CERCAM: variants seen among roughly 807,000 people sequenced by gnomAD.
CERCAM encodes the protein cerebral endothelial cell adhesion molecule, also known as inactive glycosyltransferase 25 family member 3.
In CERCAM, 59 loss-of-function variants were observed where a neutral mutation model predicts 66.0. That is an observed-to-expected ratio of 0.89 (90% CI 0.73 to 1.11). The LOEUF (loss-of-function observed/expected upper bound fraction) is 1.11, where lower values mean the gene tolerates loss of function less well. CERCAM is among the 50% of genes most tolerant of loss of function. The probability of loss-of-function intolerance (pLI) is 0.00; values close to 1 mark genes in which losing one functional copy is unlikely to be tolerated. For synonymous variants in CERCAM, 318 were observed against 343.6 expected (o/e 0.93, Z 0.83); for missense variants, 840 against 828.3 (o/e 1.01, Z -0.17).
At chr9:128,427,057 G>T (rs1053724152) in intron 5 of CERCAM, among the ~76,000 whole-genome samples, 2 of 152,132 alleles carry the variant, frequency 1.3e-5, no homozygotes, top group Non-Finnish European at 2.9e-5. Flanking sequence ...ACTACATCCC[G>T]GCTCTGGGCC....
In CERCAM at chr9:128,434,931, C is replaced by T. The variant is rs902561674; in HGVS notation, c.1535+318C>T. Among the ~76,000 whole-genome samples the T allele has an allele frequency of 7.2e-5, 11 of 152,162 alleles. No individual in the cohort carries two copies. Among genetic ancestry groups the T allele is most frequent in the Admixed American group, 7.2e-4 (11 of 15,272 alleles). ...GGTTCAAGCAATTCTGCTGCCTCAGCCTCCTGAGTAGCTGGGATTACAGGG... is the reference window on the plus strand; with the variant it reads ...GGTTCAAGCAATTCTGCTGCCTCAGTCTCCTGAGTAGCTGGGATTACAGGG... On this transcript the variant is annotated intron_variant, in intron 11 of 12. Coordinates refer to ENST00000372838, the MANE Select transcript of CERCAM (RefSeq NM_016174.5). This position sits in a 1 kb window ranked among gnomAD's most constrained non-coding sequence, Gnocchi z 4.5.
In CERCAM at chr9:128,435,886, A is replaced by C. The variant is rs778152748; in HGVS notation, c.1769A>C (p.Gln590Pro). ...AGCAGCGGGCACAGCCTCCAACCCC[A>C]GCCCCGAGATGAGCTCTAGGTGAGG... ...TGSSGHSLQP[Q>P]PRDEL The change falls in exon 12 of 13, where the codon CAG (glutamine) becomes CCG (proline). Residue 590 changes from glutamine to proline, a missense_variant. Transcript: ENST00000372838. The C allele has an allele frequency of 1.2e-6, 2 of 1,605,772 alleles. No individual in the cohort carries two copies. Among genetic ancestry groups the C allele is most frequent in the South Asian group, 2.2e-5 (2 of 90,414 alleles).
intron 6 of CERCAM, 150 bp from the exon 7 acceptor site, chr9:128,428,606 TG>T: frequency 9.5e-7 from 1 of 1,055,992 alleles, no homozygotes; most frequent in Non-Finnish European, 1.4e-6. Flanking sequence ...ATCCCTACAA[TG>T]GGGGCAGGTG....
In CERCAM at chr9:128,422,994, G is replaced by A. The variant is rs1833745938; in HGVS notation, c.308+16G>A. ...GCGAGCCCAGGTGGTGATCTGAGGGGAAGGGTGCTGGGGAAGATGGAGAAC... is the reference window on the plus strand; with the variant it reads ...GCGAGCCCAGGTGGTGATCTGAGGGAAAGGGTGCTGGGGAAGATGGAGAAC... On this transcript the variant is annotated intron_variant, in intron 2 of 12. Transcript: ENST00000372838. The A allele has an allele frequency of 1.2e-6, 2 of 1,613,460 alleles. No homozygotes were observed. The highest frequency in any genetic ancestry group is 1.7e-6 in the Non-Finnish European group (2 of 1,180,000).
Position 128,420,903 on chromosome 9 carries a change from T to TC in CERCAM, c.26_27insC (p.Leu10AlafsTer81). The TC allele has an allele frequency of 7.4e-7, 1 of 1,352,094 alleles. No homozygotes were observed. 83.8% of individuals were successfully genotyped at this position (1,352,094 alleles called of 1,614,324 possible). ...ATGCGCGCTGCCCGCGCCGCGCCGC[T>TC]GCTCCAGCTGCTGCTCCTGCTGGGG... On this transcript the variant is annotated frameshift_variant, in exon 1 of 13. Transcript: ENST00000372838. LOFTEE classifies it high-confidence loss of function. This position sits in a 1 kb window ranked among gnomAD's most constrained non-coding sequence, Gnocchi z 5.0.
intron 5 of CERCAM, among the ~76,000 whole-genome samples, chr9:128,426,908 G>A (rs1428254195): frequency 6.6e-6 from 1 of 152,206 alleles, no homozygotes; most frequent in Admixed American, 6.5e-5. Flanking sequence ...AAAAGTGAGT[G>A]AAGGTGAAAC....
intron 2 of CERCAM, 38 bp downstream of exon 2, chr9:128,423,016 G>C (rs2072401): frequency 0.18 from 296,348 of 1,612,552 alleles, 28,855 homozygotes; most frequent in East Asian, 0.38. Flanking sequence ...GGAAGATGGA[G>C]AACAGCTGCA....
upstream of CERCAM, chr9:128,420,038 T>G (rs1350847743): frequency 6.6e-6 from 1 of 152,244 alleles, no homozygotes; most frequent in Non-Finnish European, 1.5e-5. This position sits in a 1 kb window ranked among gnomAD's most constrained non-coding sequence, Gnocchi z 5.0. Context: ...GCCCGGCTAA[T>G]TTTTGTATTT....
chr9:128,435,626 C>T (rs755266259), intron 11 of CERCAM, 27 bp from the exon 12 acceptor site: 33 of 1,570,692 alleles, frequency 2.1e-5, no homozygotes, highest in Non-Finnish European at 2.9e-5. Context: ...CGCCTCAATC[C>T]CCCTGAGCTA....
intron 1 of CERCAM, chr9:128,421,303 CCTT>C: frequency 8.2e-7 from 1 of 1,225,660 alleles, no homozygotes; most frequent in Non-Finnish European, 1.0e-6. Flanking sequence ...ACCCACCCCT[CCTT>C]CTGGTCCCCT....
chr9:128,420,828 C>T, upstream of CERCAM: 2 of 981,714 alleles, frequency 2.0e-6, no homozygotes, highest in Non-Finnish European at 2.6e-6. The surrounding 1 kb of genome is among the most constrained non-coding windows in gnomAD (Gnocchi z 5.0). Context: ...CCCCTCCCCT[C>T]GGCCGGCCCG....
In CERCAM at chr9:128,434,728, G is replaced by A. The variant is rs759774143; in HGVS notation, c.1535+115G>A. On this transcript the variant is annotated intron_variant, in intron 11 of 12. Coordinates refer to ENST00000372838, the MANE Select transcript of CERCAM (RefSeq NM_016174.5). The surrounding 1 kb of genome is among the most constrained non-coding windows in gnomAD (Gnocchi z 4.5). ...AGATGGGGAGACTGGGACTGGCAAGGCCAAGCCACTTGGCCCAGGTCACCA... is the reference window on the plus strand; with the variant it reads ...AGATGGGGAGACTGGGACTGGCAAGACCAAGCCACTTGGCCCAGGTCACCA... 6 of 1,070,018 alleles carry A rather than the reference G, an allele frequency of 5.6e-6. No individual in the cohort carries two copies. The highest frequency in any genetic ancestry group is 6.7e-6 in the Non-Finnish European group (5 of 747,874). The allele number at this position is 1,070,018 out of a possible 1,614,324, so 66.3% of individuals were successfully genotyped here.
chr9:128,433,318 G>T (rs906322881), intron 9 of CERCAM, among the ~76,000 whole-genome samples: 2 of 151,692 alleles, frequency 1.3e-5, no homozygotes, highest in African/African-American at 4.8e-5. Flanking sequence ...CGGTGTGGTG[G>T]TGGGCACCTG....
intron 5 of CERCAM, among the ~76,000 whole-genome samples, chr9:128,428,096 T>C (rs563171286): frequency 1.3e-5 from 2 of 152,194 alleles, no homozygotes; most frequent in Non-Finnish European, 2.9e-5. Context: ...GACAGGTATA[T>C]TGAATGAATG....
intron 8 of CERCAM, 134 bp from the exon 9 acceptor site, chr9:128,431,037 C>T: frequency 9.0e-7 from 1 of 1,110,780 alleles, no homozygotes. Flanking sequence ...CTTCAGGTCA[C>T]ACAAAGGAGT....
intron 8 of CERCAM, among the ~76,000 whole-genome samples, chr9:128,429,598 C>A (rs1833927664): frequency 6.6e-6 from 1 of 151,498 alleles, no homozygotes; most frequent in Admixed American, 6.6e-5. Flanking sequence ...AAGTACTCAG[C>A]TCTTTTTATT....
chr9:128,434,196 A>G lies in CERCAM; in HGVS notation c.1298A>G (p.Asp433Gly). Residue 433 changes from aspartate (D) to glycine (G), a missense_variant, in exon 10 of 13, where the codon GAT becomes GGT. Transcript: ENST00000372838. This position sits in a 1 kb window ranked among gnomAD's most constrained non-coding sequence, Gnocchi z 4.5. ...GGGCGGCTGGAGCGGCTGATGGAGG[A>G]TGTGGAGGCAGAGAAACTGTCTTGG... is the stretch of plus-strand genomic sequence containing the variant. ...FRGRLERLME[D>G]VEAEKLSWDL... The G allele has an allele frequency of 1.2e-6, 2 of 1,613,978 alleles. No individual in the cohort carries two copies. The highest frequency in any genetic ancestry group is 1.3e-5 in the African/African-American group (1 of 74,978).
At chr9:128,425,295 T>C (rs1442880322) in intron 5 of CERCAM, among the ~76,000 whole-genome samples, 3 of 151,750 alleles carry the variant, frequency 2.0e-5, no homozygotes, top group Admixed American at 1.3e-4. Context: ...GACCTCGTGA[T>C]CTGCCCGCCT....
intron 8 of CERCAM, 27 bp downstream of exon 8, chr9:128,429,063 T>C: frequency 6.6e-7 from 1 of 1,514,744 alleles, no homozygotes; most frequent in Non-Finnish European, 9.0e-7. Flanking sequence ...GGGGGGGCCC[T>C]GTGCGCTTGG....
Sources: allele counts gnomAD v4.1 joint callset (sites outside exome capture counted in the v4.1 genomes callset), GRCh38; gene constraint gnomAD v4.1.1; non-coding constraint Gnocchi (gnomAD v3.1); transcripts MANE v1.5; gene names NCBI Gene and HGNC (gene_info 2026-07-23, HGNC 2026-07-21).